Variants in ST6GAL2 observed in about 807,000 individuals in gnomAD.
The protein encoded by ST6GAL2 is beta-galactoside alpha-2,6-sialyltransferase 2.
ST6GAL2 carries 24 observed loss-of-function variants against 37.5 expected under a neutral mutation model. The ratio of observed to expected loss-of-function variants is 0.64; its 90% CI spans 0.46 to 0.90. The LOEUF (loss-of-function observed/expected upper bound fraction) is 0.90. Among genes scored for constraint, ST6GAL2 ranks in the 40% least tolerant of loss-of-function variants. The pLI is 0.00. For missense variants in ST6GAL2, 715 were observed against 712.7 expected (o/e 1.00, Z -0.04); for synonymous variants, 306 against 295.1 (o/e 1.04, Z -0.38).
intron 1 of ST6GAL2, among the ~76,000 whole-genome samples, chr2:106,873,297 G>A (rs1316704375): frequency 6.6e-6 from 1 of 152,144 alleles, no homozygotes; most frequent in Non-Finnish European, 1.5e-5. Context: ...TCTGCAATGG[G>A]GTTGGGCTAA....
At chr2:106,808,190 GA>G (rs1390854285) in intron 5 of ST6GAL2, among the ~76,000 whole-genome samples, 1 of 152,164 alleles carries the variant, frequency 6.6e-6, no homozygotes, top group African/African-American at 2.4e-5. Context: ...CACTGGGAGA[GA>G]AGAGAGAAAG....
At chr2:106,838,628 T>A (rs1676743408) in intron 2 of ST6GAL2, among the ~76,000 whole-genome samples, 1 of 152,070 alleles carries the variant, frequency 6.6e-6, no homozygotes, top group African/African-American at 2.4e-5. Flanking sequence ...CAGACTGGGG[T>A]TTGAATCCAG....
chr2:106,886,108 G>T lies in ST6GAL2; in HGVS notation c.-73C>A, dbSNP rs1439173980. The T allele has an allele frequency of 6.6e-6, 1 of 152,240 alleles. No homozygotes were observed. Among genetic ancestry groups the T allele is most frequent in the Non-Finnish European group, 1.5e-5 (1 of 68,146 alleles). 9.4% of individuals were successfully genotyped at this position (152,240 alleles called of 1,614,324 possible). On this transcript the variant is annotated 5_prime_UTR_variant, in exon 1 of 6. Transcript: ENST00000409382. The stretch of plus-strand genomic sequence containing the variant: ...CCTCCCTTACCAGCCTTCTTCCCAC[G>T]CCGCGCCTCGAAGCGCACGACACCG...
At chr2:106,833,946 A>G in intron 3 of ST6GAL2, 103 bp downstream of exon 3, 1 of 742,972 alleles carries the variant, frequency 1.3e-6, no homozygotes, top group Non-Finnish European at 2.3e-6. Context: ...GTCATAATTA[A>G]CCAGGTAACT....
intron 5 of ST6GAL2, among the ~76,000 whole-genome samples, chr2:106,807,245 A>G (rs982980160): frequency 6.6e-6 from 1 of 152,170 alleles, no homozygotes; most frequent in African/African-American, 2.4e-5. Flanking sequence ...TGAGGGAACC[A>G]CACGCTAGTG....
rs747175732 is a variant in ST6GAL2 at position 106,843,710 on chromosome 2, GA to G, written c.267del (p.His90MetfsTer84). The G allele has an allele frequency of 6.2e-7, 1 of 1,613,098 alleles. No homozygotes were observed. Among genetic ancestry groups the G allele is most frequent in the Admixed American group, 1.7e-5 (1 of 60,020 alleles). On this transcript the variant is annotated frameshift_variant, in exon 2 of 6. Coordinates refer to ENST00000409382, the MANE Select transcript of ST6GAL2 (RefSeq NM_001142351.2). LOFTEE classifies it high-confidence loss of function. ...ALPRAHPAGS[F>X]HAGPGDLQKW... is the part of the protein sequence containing the mutation. ...TTCTGCAGGTCTCCAGGCCCCGCAT[GA>G]AAGGAACCGGCTGGGTGGGCGCGGG...
chr2:106,806,911 C>T lies in ST6GAL2; in HGVS notation c.1357G>A (p.Val453Met), dbSNP rs1374324090. Residue 453 changes from valine to methionine, a missense_variant, in exon 6 of 6, where the codon GTG (valine) becomes ATG (methionine). By Grantham distance (21) the Val-to-Met change is conservative (BLOSUM62 1). Transcript: ENST00000409382. ...CGCACGGATGGGATATATTCATACA[C>T]GTGCACCTCTCTGCACATGGACATC... ...IMMSMCREVH[V>M]YEYIPSVRQT... is the part of the protein sequence containing the mutation. 8 of 1,613,874 alleles carry T rather than the reference C, an allele frequency of 5.0e-6. No homozygotes were observed. Among genetic ancestry groups the T allele is most frequent in the Non-Finnish European group, 6.8e-6 (8 of 1,179,966 alleles).
At chr2:106,850,996 T>A (rs1677337066) in intron 1 of ST6GAL2, among the ~76,000 whole-genome samples, 1 of 152,122 alleles carries the variant, frequency 6.6e-6, no homozygotes, top group African/African-American at 2.4e-5. Context: ...TTGTCTACGA[T>A]GGTTTAAGTG....
chr2:106,859,570 T>G (rs1677717784), intron 1 of ST6GAL2, among the ~76,000 whole-genome samples: 1 of 152,164 alleles, frequency 6.6e-6, no homozygotes, highest in East Asian at 1.9e-4. Context: ...GGTCTAAAAC[T>G]CTGGTGTTTT....
chr2:106,835,686 C>T (rs1231106960), intron 2 of ST6GAL2, among the ~76,000 whole-genome samples: 1 of 152,158 alleles, frequency 6.6e-6, no homozygotes, highest in Admixed American at 6.5e-5. Context: ...TACATGCTGT[C>T]TATAACTGCA....
chr2:106,866,643 C>T (rs762757047), intron 1 of ST6GAL2, among the ~76,000 whole-genome samples: 27 of 152,204 alleles, frequency 1.8e-4, no homozygotes, highest in Non-Finnish European at 3.2e-4. Flanking sequence ...CTTTAAGAAA[C>T]ACAACCGACC....
intron 1 of ST6GAL2, among the ~76,000 whole-genome samples, chr2:106,848,787 T>C (rs1573271530): frequency 6.6e-6 from 1 of 152,234 alleles, no homozygotes; most frequent in Non-Finnish European, 1.5e-5. Context: ...CAAAATTATC[T>C]TGAGCCTTGG....
intron 2 of ST6GAL2, 107 bp downstream of exon 2, chr2:106,842,928 A>AC: frequency 5.5e-6 from 4 of 731,784 alleles, no homozygotes; most frequent in Non-Finnish European, 7.9e-6. Context: ...TGGTGCGGAG[A>AC]CCCCAGCTTG....
intron 1 of ST6GAL2, among the ~76,000 whole-genome samples, chr2:106,856,451 G>A (rs901055998): frequency 6.6e-6 from 1 of 152,186 alleles, no homozygotes; most frequent in Non-Finnish European, 1.5e-5. Flanking sequence ...GAGTGTGGAA[G>A]GGAAAAGGGA....
chr2:106,887,234 T>C (rs1258815132), upstream of ST6GAL2: 1 of 152,236 alleles, frequency 6.6e-6, no homozygotes, highest in African/African-American at 2.4e-5. Context: ...CCTCCCCGGC[T>C]CGCTAGCTCC....
At position 106,830,216 on chromosome 2, in the gene ST6GAL2, G is replaced by T. The variant is rs750479581; in HGVS notation, c.1168C>A (p.Leu390Met). Reference protein sequence around the residue: ...NLWYKKPDYNLFTPYIQHRQR... With the variant: ...NLWYKKPDYNMFTPYIQHRQR... The stretch of plus-strand genomic sequence containing the variant: ...CGATGCTGAATATATGGAGTGAACA[G>T]GTTGTAATCCGGTTTTTTGTACCAC... The change falls in exon 5 of 6, where the codon CTG becomes ATG. Residue 390 changes from leucine (L) to methionine (M), a missense_variant. Coordinates refer to ENST00000409382, the MANE Select transcript of ST6GAL2 (RefSeq NM_001142351.2). 6.2e-7 allele frequency: 1 copy of T among 1,611,302 alleles called. No individual in the cohort carries two copies. The highest frequency in any genetic ancestry group is 1.1e-5 in the South Asian group (1 of 90,746).
chr2:106,813,689 AT>A, intron 5 of ST6GAL2, among the ~76,000 whole-genome samples: 1 of 152,344 alleles, frequency 6.6e-6, no homozygotes, highest in South Asian at 2.1e-4. Context: ...CTTGATGAAA[AT>A]AGCCTTTCAT....
Position 106,843,253 on chromosome 2 carries a change from C to T in ST6GAL2, c.725G>A (p.Arg242Gln), listed in dbSNP as rs758618457. 1 of 1,594,296 alleles carries T rather than the reference C, an allele frequency of 6.3e-7. No homozygotes were observed. Among genetic ancestry groups the T allele is most frequent in the South Asian group, 1.1e-5 (1 of 89,086 alleles). ...CTGTGCCCTGCTCAGCCCGGCCTCCCGCTTCCCGCGGAAGCGCACCCCGTG... is the reference window on the plus strand; with the variant it reads ...CTGTGCCCTGCTCAGCCCGGCCTCCTGCTTCCCGCGGAAGCGCACCCCGTG... The part of the protein sequence containing the change: ...NKHGVRFRGK[R>Q]EAGLSRAQLL... The change falls in exon 2 of 6, where the codon CGG becomes CAG. Residue 242 changes from arginine (R) to glutamine (Q), a missense_variant. By Grantham distance (43) the Arg-to-Gln change is conservative. Coordinates refer to ENST00000409382, the MANE Select transcript of ST6GAL2 (RefSeq NM_001142351.2).
chr2:106,868,169 C>T (rs1678113341), intron 1 of ST6GAL2, among the ~76,000 whole-genome samples: 2 of 152,160 alleles, frequency 1.3e-5, no homozygotes, highest in South Asian at 4.1e-4. Flanking sequence ...ATTTAAAATA[C>T]TGTTTGTCAA....
Sources: allele counts gnomAD v4.1 joint callset (sites outside exome capture counted in the v4.1 genomes callset), GRCh38; gene constraint gnomAD v4.1.1; transcripts MANE v1.5; gene names NCBI Gene and HGNC (gene_info 2026-07-23, HGNC 2026-07-21).